SREBF2: variants seen among roughly 807,000 people sequenced by gnomAD.
SREBF2 encodes sterol regulatory element-binding protein 2.
In SREBF2, 55 loss-of-function variants were observed where a neutral mutation model predicts 113.1. That is an observed-to-expected ratio of 0.49 (90% CI 0.39 to 0.61). SREBF2 has a LOEUF of 0.61. Ranked by LOEUF, SREBF2 falls within the 20% of genes least tolerant of loss-of-function variation. The pLI is 0.00. For synonymous variants in SREBF2, 593 were observed against 605.7 expected, an observed-to-expected ratio of 0.98 and a Z score of 0.31; for missense variants, 1,349 against 1,487.4, an observed-to-expected ratio of 0.91 and a Z score of 1.53.
At position 41,852,126 on chromosome 22, in the gene SREBF2, A is replaced by G. The variant is rs542479663; in HGVS notation, c.89-14705A>G. On this transcript the variant is annotated intron_variant, in intron 1 of 18. Coordinates refer to ENST00000361204, the MANE Select transcript of SREBF2 (RefSeq NM_004599.4). ...ATAGAGAGAGACTCCATCTCAAACA[A>G]ACAAACAAACAAAAGGCAAACCTAT... is the stretch of plus-strand genomic sequence containing the variant. Among the ~76,000 whole-genome samples, 254 of 152,150 alleles carry G rather than the reference A, an allele frequency of 1.7e-3. 1 individual carries two copies. Among genetic ancestry groups the G allele is most frequent in the Non-Finnish European group, 2.4e-3 (160 of 68,006 alleles).
In SREBF2 at chr22:41,894,695, T is replaced by G. The variant is rs567905570; in HGVS notation, c.2378-125T>G. ...TGTTTAGCACAGTAGTTCTGGGCTTTGGTGGAGAAGGGGCATCTGATCCCC... is the reference window on the plus strand; with the variant it reads ...TGTTTAGCACAGTAGTTCTGGGCTTGGGTGGAGAAGGGGCATCTGATCCCC... On this transcript the variant is annotated intron_variant, in intron 12 of 18. Coordinates refer to ENST00000361204, the MANE Select transcript of SREBF2 (RefSeq NM_004599.4). The G allele has an allele frequency of 2.8e-4, 232 of 840,216 alleles. 3 individuals carry two copies. In the South Asian group the frequency reaches 3.0e-3, roughly 11 times the overall value. The allele number at this position is 840,216 out of a possible 1,614,324, so 52.0% of individuals were successfully genotyped here.
intron 16 of SREBF2, 109 bp from the exon 17 acceptor site, chr22:41,902,861 C>T (rs2077476226): frequency 1.6e-6 from 2 of 1,244,794 alleles, no homozygotes; most frequent in Non-Finnish European, 2.3e-6. Context: ...TCCACTTCCT[C>T]CCAGAGCTGC....
In SREBF2 at chr22:41,871,033, C is replaced by G; in HGVS notation, c.865C>G (p.Pro289Ala). The change falls in exon 4 of 19, where the codon CCA (proline) becomes GCA (alanine). Residue 289 changes from proline to alanine, a missense_variant and splice_region_variant. Transcript: ENST00000361204. ...TATCCAGACGGCTGCCCTTCAAGTA[C>G]CAGTAAGAGCTGCCTTCTCCCCCAC... Reference protein sequence around the residue: ...TPIQTAALQVPTLVGSSGTIL... With the variant: ...TPIQTAALQVATLVGSSGTIL... 6.2e-7 allele frequency: 1 copy of G among 1,614,028 alleles called. No homozygotes were observed. The highest frequency in any genetic ancestry group is 8.5e-7 in the Non-Finnish European group (1 of 1,180,010).
intron 10 of SREBF2, among the ~76,000 whole-genome samples, chr22:41,881,376 CAGAG>C (rs2077244265): frequency 6.6e-6 from 1 of 152,202 alleles, no homozygotes; most frequent in African/African-American, 2.4e-5. Context: ...CTATAATAGG[CAGAG>C]AGGTCAACAA....
chr22:41,892,424 C>T (rs370958073), intron 11 of SREBF2, among the ~76,000 whole-genome samples: 3 of 152,034 alleles, frequency 2.0e-5, no homozygotes, highest in Non-Finnish European at 2.9e-5. Flanking sequence ...CCGAGACGGG[C>T]GGATCACGAG....
intron 1 of SREBF2, among the ~76,000 whole-genome samples, chr22:41,847,920 A>ATTAT (rs1556030998): frequency 6.5e-5 from 9 of 137,456 alleles, no homozygotes; most frequent in African/African-American, 2.1e-4. Context: ...TATTATTATT[A>ATTAT]TTTTTTTTTT....
At chr22:41,867,810 A>G (rs956032359) in intron 2 of SREBF2, among the ~76,000 whole-genome samples, 5 of 147,418 alleles carry the variant, frequency 3.4e-5, no homozygotes, top group African/African-American at 1.3e-4. Flanking sequence ...CCCATCTTAA[A>G]AAGAAAAAAA....
chr22:41,875,539 G>A lies in SREBF2; in HGVS notation c.1205-4G>A, dbSNP rs1164395103. ...ATTTTCACCAGGTGGGGTTTTCTTTGCAGAGCTTCTAAAGGGCATCGACCT... is the reference window on the plus strand; with the variant it reads ...ATTTTCACCAGGTGGGGTTTTCTTTACAGAGCTTCTAAAGGGCATCGACCT... On this transcript the variant is annotated splice_polypyrimidine_tract_variant and splice_region_variant and intron_variant, in intron 6 of 18. Transcript: ENST00000361204. The A allele has an allele frequency of 6.2e-7, 1 of 1,614,082 alleles. No individual in the cohort carries two copies. Among genetic ancestry groups the A allele is most frequent in the African/African-American group, 1.3e-5 (1 of 74,928 alleles).
Position 41,905,584 on chromosome 22 carries a change from G to A in SREBF2, c.3350G>A (p.Gly1117Asp). The change falls in exon 19 of 19, where the codon GGC (glycine) becomes GAC (aspartate). Residue 1117 changes from glycine (G) to aspartate (D), a missense_variant. Gly to Asp is a moderately conservative substitution (Grantham distance 94). Transcript: ENST00000361204. ...AEAARTLEKVGDRRSCNDCQQ... is the reference protein window; with the variant it reads ...AEAARTLEKVDDRRSCNDCQQ... ...GCTGCCCGCACCCTGGAGAAGGTGG[G>A]CGACCGGCGCTCCTGCAACGACTGC... 1.3e-6 allele frequency: 2 copies of A among 1,598,574 alleles called. No individual in the cohort carries two copies. Among genetic ancestry groups the A allele is most frequent in the East Asian group, 2.3e-5 (1 of 44,090 alleles).
chr22:41,876,306 C>G (rs1181748053), intron 7 of SREBF2, among the ~76,000 whole-genome samples: 1 of 152,184 alleles, frequency 6.6e-6, no homozygotes, highest in African/African-American at 2.4e-5. Context: ...TCGGCAGTTT[C>G]TGACTCTGAA....
intron 16 of SREBF2, chr22:41,900,863 C>A: frequency 2.0e-6 from 1 of 509,326 alleles, no homozygotes; most frequent in East Asian, 5.6e-5. Context: ...GGAGTGGGTT[C>A]CTGCCCCCTC....
rs763739852 is a variant in SREBF2, at chr22:41,867,095, C to T, written c.353C>T (p.Pro118Leu). 2 of 1,614,192 alleles carry T rather than the reference C, an allele frequency of 1.2e-6. No homozygotes were observed. The highest frequency in any genetic ancestry group is 1.1e-5 in the South Asian group (1 of 91,086). Reference protein sequence around the residue: ...QAPTLQVKVSPTSVPTTPRAT... With the variant: ...QAPTLQVKVSLTSVPTTPRAT... ...CCAACTCTGCAAGTCAAGGTTTCTC[C>T]CACCTCAGTTCCCACCACACCCAGG... The change falls in exon 2 of 19, where the codon CCC becomes CTC. Residue 118 changes from proline (P) to leucine (L), a missense_variant. This residue lies in a region of SREBF2 where 699 missense variants were observed against 843.3 expected (regional missense o/e 0.83). Coordinates refer to ENST00000361204, the MANE Select transcript of SREBF2 (RefSeq NM_004599.4).
intron 11 of SREBF2, among the ~76,000 whole-genome samples, chr22:41,887,562 A>T (rs966733827): frequency 1.2e-4 from 18 of 152,342 alleles, no homozygotes; most frequent in African/African-American, 4.3e-4. Context: ...GTTATGTAGA[A>T]TTATAGATTG....
At chr22:41,899,164 G>T in intron 15 of SREBF2, 1 of 1,109,544 alleles carries the variant, frequency 9.0e-7, no homozygotes, top group South Asian at 1.8e-5. Context: ...AGAGGCCACT[G>T]TTGCCCCCAA....
At chr22:41,850,854 C>A (rs1217141986) in intron 1 of SREBF2, among the ~76,000 whole-genome samples, 1 of 152,104 alleles carries the variant, frequency 6.6e-6, no homozygotes, top group Admixed American at 6.5e-5. Flanking sequence ...GATTCTCCTG[C>A]CTCAGCCTCC....
Position 41,906,254 on chromosome 22 carries a change from G to C in SREBF2, c.*594G>C. ...CCTTTATTACACAGGACAGCCAGGG[G>C]AGGAGGGGGGCCCAGCCCTGGGAGG... On this transcript the variant is annotated 3_prime_UTR_variant, in exon 19 of 19. Coordinates refer to ENST00000361204, the MANE Select transcript of SREBF2 (RefSeq NM_004599.4). The C allele has an allele frequency of 3.6e-6, 1 of 280,222 alleles. No homozygotes were observed. The highest frequency in any genetic ancestry group is 3.5e-5 in the South Asian group (1 of 28,926). The allele number at this position is 280,222 out of a possible 1,614,324, so 17.4% of individuals were successfully genotyped here.
chr22:41,835,658 C>G (rs959021335), intron 1 of SREBF2, among the ~76,000 whole-genome samples: 21 of 147,088 alleles, frequency 1.4e-4, no homozygotes, highest in Admixed American at 9.5e-4. Context: ...GAGACAGTGT[C>G]TGGCTGTTGC....
At chr22:41,905,020 C>T (rs1029405317) in intron 18 of SREBF2, 46 bp downstream of exon 18, 1 of 1,510,532 alleles carries the variant, frequency 6.6e-7, no homozygotes, top group Middle Eastern at 2.3e-4. Flanking sequence ...AGGCCCTGCG[C>T]CCTAGGAAGA....
intron 15 of SREBF2, 91 bp from the exon 16 acceptor site, chr22:41,900,238 GT>G: frequency 6.4e-7 from 1 of 1,567,956 alleles, no homozygotes; most frequent in East Asian, 2.3e-5. Flanking sequence ...TCATATCAGT[GT>G]GGGGCGTGGC....
Sources: gnomAD v4.1 joint callset for allele counts (sites outside exome capture counted in the v4.1 genomes callset) on GRCh38, gnomAD v4.1.1 for gene constraint, gnomAD v4.1.1 regional missense constraint, MANE v1.5 for transcripts, NCBI Gene and HGNC (gene_info 2026-07-23, HGNC 2026-07-21) for gene names.